Variants in DRC11 observed in about 807,000 individuals in gnomAD.
The protein encoded by DRC11 is dynein regulatory complex subunit 11, also known as IQ and AAA domain-containing protein 1.
At chr2:236,430,314 C>T in the DRC11 span, among the ~76,000 whole-genome samples, 1 of 152,032 alleles carries the variant, frequency 6.6e-6, no homozygotes, top group African/African-American at 2.4e-5. This position sits in a 1 kb window ranked among gnomAD's most constrained non-coding sequence, Gnocchi z 6.0. Flanking sequence ...TAAACCAATA[C>T]AAAATTTATT....
At chr2:236,418,447 C>T in the DRC11 span, among the ~76,000 whole-genome samples, 2 of 152,218 alleles carry the variant, frequency 1.3e-5, no homozygotes, top group African/African-American at 4.8e-5. Context: ...GACTGCAACA[C>T]ACTCTACTTC....
At chr2:236,460,792 T>C in the DRC11 span, among the ~76,000 whole-genome samples, 4 of 152,236 alleles carry the variant, frequency 2.6e-5, no homozygotes, top group Non-Finnish European at 5.9e-5. This position sits in a 1 kb window ranked among gnomAD's most constrained non-coding sequence, Gnocchi z 4.0. Flanking sequence ...TCTCGCTCTG[T>C]CTTCCAGGAG....
At chr2:236,450,412 G>A in the DRC11 span, among the ~76,000 whole-genome samples, 6 of 144,896 alleles carry the variant, frequency 4.1e-5, no homozygotes, top group Non-Finnish European at 6.0e-5. Context: ...CTCCACCTCC[G>A]GGGTTCAAGT....
chr2:236,314,445 T>C, the DRC11 span, among the ~76,000 whole-genome samples: 3 of 152,132 alleles, frequency 2.0e-5, no homozygotes, highest in Non-Finnish European at 4.4e-5. This position sits in a 1 kb window ranked among gnomAD's most constrained non-coding sequence, Gnocchi z 4.5. Context: ...GTCAACATCA[T>C]AACTAAATGG....
At chr2:236,421,672 T>C in the DRC11 span, among the ~76,000 whole-genome samples, 13 of 152,308 alleles carry the variant, frequency 8.5e-5, no homozygotes, top group African/African-American at 2.6e-4. Context: ...ACTATTCTAA[T>C]CAATAGAAAA....
chr2:236,494,171 G>A, the DRC11 span, among the ~76,000 whole-genome samples: 3 of 152,154 alleles, frequency 2.0e-5, no homozygotes, highest in Non-Finnish European at 4.4e-5. This position sits in a 1 kb window ranked among gnomAD's most constrained non-coding sequence, Gnocchi z 4.2. Context: ...TTACTTAATA[G>A]ATTTCTTTAA....
the DRC11 span, among the ~76,000 whole-genome samples, chr2:236,313,216 T>C: frequency 6.6e-6 from 1 of 152,122 alleles, no homozygotes; most frequent in African/African-American, 2.4e-5. This position sits in a 1 kb window ranked among gnomAD's most constrained non-coding sequence, Gnocchi z 4.5. Context: ...AGAAGAAAGT[T>C]ATAAAACAAG....
the DRC11 span, among the ~76,000 whole-genome samples, chr2:236,394,312 C>G: frequency 6.6e-6 from 1 of 152,182 alleles, no homozygotes; most frequent in African/African-American, 2.4e-5. This position sits in a 1 kb window ranked among gnomAD's most constrained non-coding sequence, Gnocchi z 7.0. Flanking sequence ...GAAGACAGGA[C>G]ATGGAAATGC....
chr2:236,352,101 A>G, the DRC11 span, among the ~76,000 whole-genome samples: 1 of 152,104 alleles, frequency 6.6e-6, no homozygotes, highest in Non-Finnish European at 1.5e-5. The surrounding 1 kb of genome is among the most constrained non-coding windows in gnomAD (Gnocchi z 7.0). Flanking sequence ...ACGATGATAG[A>G]GGAGGAGGTC....
the DRC11 span, among the ~76,000 whole-genome samples, chr2:236,420,573 G>A: frequency 1.3e-5 from 2 of 152,072 alleles, no homozygotes; most frequent in South Asian, 2.1e-4. This position sits in a 1 kb window ranked among gnomAD's most constrained non-coding sequence, Gnocchi z 4.8. Flanking sequence ...AGCATGTGTT[G>A]TGAACATATT....
chr2:236,494,804 A>C, the DRC11 span, among the ~76,000 whole-genome samples: 55 of 152,198 alleles, frequency 3.6e-4, no homozygotes, highest in African/African-American at 1.3e-3. This position sits in a 1 kb window ranked among gnomAD's most constrained non-coding sequence, Gnocchi z 4.2. Flanking sequence ...GGGAGGTGAC[A>C]ATGTCTTTTG....
chr2:236,485,254 GTATATA>G, the DRC11 span, among the ~76,000 whole-genome samples: 1 of 151,006 alleles, frequency 6.6e-6, no homozygotes, highest in African/African-American at 2.4e-5. Flanking sequence ...ATATATGTAT[GTATATA>G]TATATAATAT....
the DRC11 span, chr2:236,493,865 G>C: frequency 1.1e-5 from 17 of 1,602,774 alleles, no homozygotes; most frequent in Admixed American, 1.0e-4. Flanking sequence ...AAAATACTTG[G>C]GTATGGGAAT....
the DRC11 span, among the ~76,000 whole-genome samples, chr2:236,374,281 C>A: frequency 6.6e-6 from 1 of 152,022 alleles, no homozygotes; most frequent in Non-Finnish European, 1.5e-5. Flanking sequence ...AGATACACTG[C>A]CATCTTTCAA....
At chr2:236,358,946 G>C in the DRC11 span, among the ~76,000 whole-genome samples, 1 of 151,148 alleles carries the variant, frequency 6.6e-6, no homozygotes. Context: ...TCCTGGGCCA[G>C]CGGGTCTGCT....
At chr2:236,343,701 C>T in the DRC11 span, 1 of 1,303,376 alleles carries the variant, frequency 7.7e-7, no homozygotes, top group Non-Finnish European at 1.0e-6. The surrounding 1 kb of genome is among the most constrained non-coding windows in gnomAD (Gnocchi z 6.6). Flanking sequence ...ATTTTGCATA[C>T]CTACTTGTGG....
At chr2:236,486,780 T>G in the DRC11 span, 2 of 1,218,392 alleles carry the variant, frequency 1.6e-6, no homozygotes, top group African/African-American at 1.5e-5. The surrounding 1 kb of genome is among the most constrained non-coding windows in gnomAD (Gnocchi z 5.7). Context: ...GTCTCACATA[T>G]TCTATTGTCT....
At chr2:236,451,089 G>A in the DRC11 span, among the ~76,000 whole-genome samples, 1,357 of 151,938 alleles carry the variant, frequency 8.9e-3, 12 homozygotes, top group Non-Finnish European at 9.1e-3. Context: ...TTTTCATAAG[G>A]TTCTTATACT....
At chr2:236,393,987 A>G in the DRC11 span, among the ~76,000 whole-genome samples, 2 of 152,288 alleles carry the variant, frequency 1.3e-5, no homozygotes, top group East Asian at 3.9e-4. The surrounding 1 kb of genome is among the most constrained non-coding windows in gnomAD (Gnocchi z 4.7). Flanking sequence ...GGAATAAAAT[A>G]TATAAAGTTG....
Sources: gnomAD v4.1 joint callset for allele counts (sites outside exome capture counted in the v4.1 genomes callset) on GRCh38, gnomAD v4.1.1 for gene constraint, Gnocchi (gnomAD v3.1) non-coding constraint, MANE v1.5 for transcripts, NCBI Gene and HGNC (gene_info 2026-07-23, HGNC 2026-07-21) for gene names.